Variants in ACVR2A observed in about 807,000 individuals in gnomAD.
ACVR2A encodes the protein activin receptor type-2A.
ACVR2A carries 7 observed loss-of-function variants against 61.4 expected under a neutral mutation model. That is an observed-to-expected ratio of 0.11 (90% CI 0.06 to 0.21). The LOEUF is 0.21. Among genes scored for constraint, ACVR2A ranks in the 10% least tolerant of loss-of-function variants. The pLI, the probability that ACVR2A is intolerant of heterozygous loss-of-function variation, is 1.00. For synonymous variants in ACVR2A, 193 were observed against 208.3 expected (o/e 0.93, Z 0.63); for missense variants, 322 against 621.7 (o/e 0.52, Z 5.13).
intron 9 of ACVR2A, 144 bp downstream of exon 9, chr2:147,923,255 G>A: frequency 3.4e-6 from 3 of 876,758 alleles, no homozygotes; most frequent in Non-Finnish European, 5.0e-6. Context: ...AGGAGGCAGG[G>A]GAGCAGTGGG....
chr2:147,921,656 T>G (rs1687384887), intron 8 of ACVR2A, among the ~76,000 whole-genome samples: 1 of 152,160 alleles, frequency 6.6e-6, no homozygotes, highest in Non-Finnish European at 1.5e-5. Context: ...TTGTGGAGAA[T>G]ACTACCAAGA....
intron 4 of ACVR2A, among the ~76,000 whole-genome samples, chr2:147,909,830 A>G (rs752752950): frequency 4.5e-4 from 68 of 151,800 alleles, no homozygotes; most frequent in Non-Finnish European, 7.4e-4. Flanking sequence ...TTTGTAGAGA[A>G]GGGATCTCCC....
rs1205665075 is a variant in ACVR2A, at chr2:147,928,913, TA to T, written c.*1641del. ...TGTCAGGTCATTTTAAAATCCATGTTAATTTTATAAAAGAATTTTTTACATG... is the reference window on the plus strand; with the variant it reads ...TGTCAGGTCATTTTAAAATCCATGTTATTTTATAAAAGAATTTTTTACATG... On this transcript the variant is annotated 3_prime_UTR_variant, in exon 11 of 11. Transcript: ENST00000241416. 1.3e-5 allele frequency: 2 copies of T among 152,486 alleles called. No homozygotes were observed. Among genetic ancestry groups the T allele is most frequent in the East Asian group, 1.9e-4 (1 of 5,198 alleles). The allele number at this position is 152,486 out of a possible 1,614,324, so 9.4% of individuals were successfully genotyped here. A position where few individuals can be genotyped will look rare whatever the true frequency, so the allele number is the denominator to read the frequency against.
At chr2:147,845,820 T>C (rs1035060314) in intron 1 of ACVR2A, among the ~76,000 whole-genome samples, 5 of 152,172 alleles carry the variant, frequency 3.3e-5, no homozygotes, top group African/African-American at 1.2e-4. Flanking sequence ...GCAGAAGAGG[T>C]ATGCCGCTTG....
At chr2:147,868,009 C>T (rs1297850797) in intron 1 of ACVR2A, among the ~76,000 whole-genome samples, 2 of 152,170 alleles carry the variant, frequency 1.3e-5, no homozygotes, top group Non-Finnish European at 2.9e-5. Flanking sequence ...TAGCACCTTA[C>T]TTATTTACTG....
At chr2:147,846,453 T>C (rs1022747815) in intron 1 of ACVR2A, among the ~76,000 whole-genome samples, 14 of 152,060 alleles carry the variant, frequency 9.2e-5, no homozygotes, top group African/African-American at 3.1e-4. Context: ...TCTTTTGTAA[T>C]GTATAGAATT....
At position 147,912,251 on chromosome 2, in the gene ACVR2A, C is replaced by G. The variant is rs1016366961; in HGVS notation, c.529-2940C>G. On this transcript the variant is annotated intron_variant, in intron 4 of 10. Transcript: ENST00000241416. ...CCAGGTTATCATTTCAGTATGTGTTCTGAAGCTGATGTCTTCTGATACCAT... is the reference window on the plus strand; with the variant it reads ...CCAGGTTATCATTTCAGTATGTGTTGTGAAGCTGATGTCTTCTGATACCAT... Among the ~76,000 whole-genome samples, 7 of 151,978 alleles carry G rather than the reference C, an allele frequency of 4.6e-5. No homozygotes were observed. In the East Asian group the frequency reaches 1.4e-3, roughly 29 times the overall value.
At chr2:147,905,870 A>T (rs1276816927) in intron 4 of ACVR2A, among the ~76,000 whole-genome samples, 1 of 152,174 alleles carries the variant, frequency 6.6e-6, no homozygotes, top group Non-Finnish European at 1.5e-5. Flanking sequence ...GAGAAAGTAG[A>T]AAATTTAAAC....
intron 4 of ACVR2A, among the ~76,000 whole-genome samples, chr2:147,904,934 CAT>C (rs1219405580): frequency 6.6e-6 from 1 of 151,904 alleles, no homozygotes; most frequent in Non-Finnish European, 1.5e-5. Context: ...TTCATAGAAA[CAT>C]GTCTTGAAAT....
intron 1 of ACVR2A, among the ~76,000 whole-genome samples, chr2:147,858,474 C>A (rs1441776239): frequency 6.6e-6 from 1 of 152,152 alleles, no homozygotes; most frequent in Non-Finnish European, 1.5e-5. Flanking sequence ...CCCATTCCAT[C>A]CTTATCTTTT....
chr2:147,864,566 G>C (rs547242144), intron 1 of ACVR2A, among the ~76,000 whole-genome samples: 1 of 152,128 alleles, frequency 6.6e-6, no homozygotes, highest in African/African-American at 2.4e-5. Flanking sequence ...TTAGCTTGCA[G>C]AAACTGAGAT....
intron 1 of ACVR2A, among the ~76,000 whole-genome samples, chr2:147,846,835 C>T (rs1446756519): frequency 6.6e-6 from 1 of 152,056 alleles, no homozygotes; most frequent in Non-Finnish European, 1.5e-5. Context: ...TGTTCAAATC[C>T]CTTGTTCTGA....
rs1360611583 is a variant in ACVR2A at position 147,927,989 on chromosome 2, G to A, written c.*715G>A. 1 of 152,370 alleles carries A rather than the reference G, an allele frequency of 6.6e-6. No homozygotes were observed. Among genetic ancestry groups the A allele is most frequent in the East Asian group, 1.9e-4 (1 of 5,180 alleles). 9.4% of individuals were successfully genotyped at this position (152,370 alleles called of 1,614,324 possible). On this transcript the variant is annotated 3_prime_UTR_variant, in exon 11 of 11. Coordinates refer to ENST00000241416, the MANE Select transcript of ACVR2A (RefSeq NM_001616.5). Reference sequence around the variant, plus strand: ...AGGAAAAAAAGGTAAGCTATGCTTAGTGCCAACAATAAGTGGCCATTCGTA... The same window carrying A: ...AGGAAAAAAAGGTAAGCTATGCTTAATGCCAACAATAAGTGGCCATTCGTA...
At chr2:147,918,233 T>G (rs1264233006) in intron 6 of ACVR2A, among the ~76,000 whole-genome samples, 5 of 151,620 alleles carry the variant, frequency 3.3e-5, no homozygotes, top group African/African-American at 7.3e-5. Context: ...GTAACAAAAG[T>G]TTAAAGCTCT....
intron 4 of ACVR2A, among the ~76,000 whole-genome samples, chr2:147,913,985 A>G (rs1687188630): frequency 6.6e-6 from 1 of 151,952 alleles, no homozygotes; most frequent in African/African-American, 2.4e-5. Context: ...AACACCTTGC[A>G]ATGTTTCTGT....
At chr2:147,894,314 G>A (rs1422143550) in intron 1 of ACVR2A, among the ~76,000 whole-genome samples, 2 of 151,980 alleles carry the variant, frequency 1.3e-5, no homozygotes, top group African/African-American at 4.8e-5. Context: ...ATTCTCCTTT[G>A]TACTTCTTTT....
intron 4 of ACVR2A, among the ~76,000 whole-genome samples, chr2:147,903,731 T>C (rs1686925598): frequency 6.6e-6 from 1 of 151,988 alleles, no homozygotes; most frequent in Admixed American, 6.6e-5. Flanking sequence ...AAAATAGTGC[T>C]TGGGTCATTC....
chr2:147,863,876 C>T (rs1685788814), intron 1 of ACVR2A, among the ~76,000 whole-genome samples: 1 of 152,198 alleles, frequency 6.6e-6, no homozygotes. Context: ...TTGCTCTGAT[C>T]ACCACTTGAG....
chr2:147,855,020 A>G (rs1279222814), intron 1 of ACVR2A, among the ~76,000 whole-genome samples: 1 of 151,990 alleles, frequency 6.6e-6, no homozygotes, highest in Non-Finnish European at 1.5e-5. Flanking sequence ...AACTGGGACT[A>G]CAGGCATGCG....
Sources: gnomAD v4.1 joint callset for allele counts (sites outside exome capture counted in the v4.1 genomes callset) on GRCh38, gnomAD v4.1.1 for gene constraint, MANE v1.5 for transcripts, NCBI Gene and HGNC (gene_info 2026-07-23, HGNC 2026-07-21) for gene names.